The following GGA3 variants were observed in gnomAD, a reference collection of about 807,000 sequenced individuals.
GGA3 encodes ADP-ribosylation factor-binding protein GGA3.
Under a neutral mutation model 77.5 loss-of-function variants are expected in GGA3, and 57 were observed. That is an observed-to-expected ratio of 0.74 (90% CI 0.59 to 0.92). The LOEUF is 0.92. Ranked by LOEUF, GGA3 falls within the 40% of genes least tolerant of loss-of-function variation. The pLI is 0.00. For synonymous variants in GGA3, 416 were observed against 383.7 expected (o/e 1.08, Z -0.98); for missense variants, 970 against 914.9 (o/e 1.06, Z -0.78).
chr17:75,256,101 T>G (rs576042211), intron 1 of GGA3, among the ~76,000 whole-genome samples: 4 of 152,232 alleles, frequency 2.6e-5, no homozygotes, highest in African/African-American at 9.6e-5. Flanking sequence ...CTCCTTTCCT[T>G]CCTAGGCATG....
chr17:75,239,603 G>C (rs1027089904), intron 13 of GGA3, 32 bp from the exon 14 acceptor site: 2 of 1,529,494 alleles, frequency 1.3e-6, no homozygotes, highest in Non-Finnish European at 1.8e-6. Flanking sequence ...AAGCACGTCA[G>C]AGAGCCAGCC....
chr17:75,242,080 C>T (rs1458502235), intron 8 of GGA3: 10 of 575,262 alleles, frequency 1.7e-5, no homozygotes, highest in Non-Finnish European at 3.1e-5. Flanking sequence ...GGGGTGAGCA[C>T]CGAGAGTGTG....
intron 13 of GGA3, 54 bp from the exon 14 acceptor site, chr17:75,239,625 ACT>A (rs1200663400): frequency 3.4e-6 from 5 of 1,477,108 alleles, no homozygotes; most frequent in Admixed American, 2.0e-5. Context: ...GAGCTGCAGG[ACT>A]CTCACCCAAG....
intron 1 of GGA3, among the ~76,000 whole-genome samples, chr17:75,260,434 T>A (rs955231829): frequency 1.3e-5 from 2 of 152,204 alleles, no homozygotes; most frequent in African/African-American, 2.4e-5. Flanking sequence ...CTTCCATATA[T>A]AAAGAAGCCT....
chr17:75,256,685 T>C (rs1202974891), intron 1 of GGA3, among the ~76,000 whole-genome samples: 1 of 152,162 alleles, frequency 6.6e-6, no homozygotes, highest in Non-Finnish European at 1.5e-5. Context: ...AAATAACTTC[T>C]CAGTGTTCCA....
At position 75,249,647 on chromosome 17, in the gene GGA3, T is replaced by C. The variant is rs148924308; in HGVS notation, c.41-2851A>G. ...ACCAAAAGTCTACAGGGTACAAAAA[T>C]TGAATGGTCTGAGAAGCAATCCCCA... On this transcript the variant is annotated intron_variant, in intron 1 of 16. Transcript: ENST00000537686. 6.7e-3 allele frequency among the ~76,000 whole-genome samples: 1,025 copies of C among 152,264 alleles called. 4 individuals carry two copies. The highest frequency in any genetic ancestry group is 0.01 in the Non-Finnish European group (710 of 68,024).
chr17:75,258,394 G>C (rs990424224), intron 1 of GGA3, among the ~76,000 whole-genome samples: 4 of 152,198 alleles, frequency 2.6e-5, no homozygotes, highest in Non-Finnish European at 4.4e-5. Flanking sequence ...TGGGCTGGGC[G>C]TGGTAGCTCA....
In GGA3 at chr17:75,243,144, T is replaced by C; in HGVS notation, c.447A>G (p.Pro149=). ...KRQGIVQSDP[P]IPVDRTLIPS... ...GGATCAGCGTCCTATCCACAGGAAT[T>C]GGTGGGTCAGACTGCACTATGCCTG... The change falls in exon 6 of 17, where the codon CCA becomes CCG. Residue 149 remains proline, a synonymous_variant. Coordinates refer to ENST00000537686, the MANE Select transcript of GGA3 (RefSeq NM_138619.4). The C allele has an allele frequency of 1.2e-6, 2 of 1,611,780 alleles. No individual in the cohort carries two copies. Among genetic ancestry groups the C allele is most frequent in the Non-Finnish European group, 8.5e-7 (1 of 1,179,126 alleles).
rs774251668 is a variant in GGA3 at position 75,243,584 on chromosome 17, G to C, written c.301-14C>G. On this transcript the variant is annotated splice_polypyrimidine_tract_variant and intron_variant, in intron 4 of 16. Coordinates refer to ENST00000537686, the MANE Select transcript of GGA3 (RefSeq NM_138619.4). The stretch of plus-strand genomic sequence containing the variant: ...GTCCCCCAGGTACTACATGGCAAAA[G>C]AAAATGAGGACCTAGTAAGTGCAGT... 6.2e-7 allele frequency: 1 copy of C among 1,613,234 alleles called. No homozygotes were observed. The highest frequency in any genetic ancestry group is 1.3e-5 in the African/African-American group (1 of 74,918).
At chr17:75,257,660 C>T (rs1413950883) in intron 1 of GGA3, among the ~76,000 whole-genome samples, 1 of 152,092 alleles carries the variant, frequency 6.6e-6, no homozygotes, top group Non-Finnish European at 1.5e-5. Context: ...AATGTTTCTT[C>T]TAACATCCCC....
At chr17:75,244,026 C>A (rs1361546304) in intron 4 of GGA3, among the ~76,000 whole-genome samples, 1 of 152,136 alleles carries the variant, frequency 6.6e-6, no homozygotes, top group Non-Finnish European at 1.5e-5. Context: ...GACAGAGAGG[C>A]TTCCTTGTGA....
In GGA3 at chr17:75,237,007, A is replaced by T. The variant is rs763123801; in HGVS notation, c.*1272T>A. 10 of 192,490 alleles carry T rather than the reference A, an allele frequency of 5.2e-5. No homozygotes were observed. The highest frequency in any genetic ancestry group is 7.7e-5 in the Non-Finnish European group (7 of 91,270). 11.9% of individuals were successfully genotyped at this position (192,490 alleles called of 1,614,324 possible). On this transcript the variant is annotated 3_prime_UTR_variant, in exon 17 of 17. Transcript: ENST00000537686. ...TGGTCTGTGCCACCTTCCTTTCCCC[A>T]GAGATGTCCGATTGCTGAGCTTGTT...
rs2076375689 is a variant in GGA3, at chr17:75,237,900, A to G, written c.*379T>C. ...GCTCTTGTGGGGAATGACCCATGAC[A>G]GTCTCTCTTTAGAGACTCCCACCCC... On this transcript the variant is annotated 3_prime_UTR_variant, in exon 17 of 17. Coordinates refer to ENST00000537686, the MANE Select transcript of GGA3 (RefSeq NM_138619.4). 3.8e-6 allele frequency: 5 copies of G among 1,322,432 alleles called. No individual in the cohort carries two copies. Among genetic ancestry groups the G allele is most frequent in the Non-Finnish European group, 4.8e-6 (5 of 1,033,332 alleles). 81.9% of individuals were successfully genotyped at this position (1,322,432 alleles called of 1,614,324 possible).
At position 75,246,800 on chromosome 17, in the gene GGA3, G is replaced by A; in HGVS notation, c.41-4C>T. On this transcript the variant is annotated splice_polypyrimidine_tract_variant and splice_region_variant and intron_variant, in intron 1 of 16. Transcript: ENST00000537686. ...TTGGAAGGATTGGTGGCTTTATCTT[G>A]CAACACAACAAAGAAGAGGACAAGT... The A allele has an allele frequency of 6.2e-7, 1 of 1,608,648 alleles. No individual in the cohort carries two copies. The highest frequency in any genetic ancestry group is 2.2e-5 in the East Asian group (1 of 44,864).
Position 75,257,006 on chromosome 17 carries a change from C to T in GGA3, c.40+4542G>A, listed in dbSNP as rs367632669. Among the ~76,000 whole-genome samples the T allele has an allele frequency of 3.3e-5, 5 of 152,192 alleles. No homozygotes were observed. The East Asian group carries it at 9.6e-4, about 29-fold the overall frequency. ...ATTAGTCAAATCAGCCAAGCAGTTT[C>T]TCAGGCTCTTAGTATTCAGTGAAAC... On this transcript the variant is annotated intron_variant, in intron 1 of 16. Coordinates refer to ENST00000537686, the MANE Select transcript of GGA3 (RefSeq NM_138619.4).
chr17:75,249,670 C>G (rs1365361040), intron 1 of GGA3, among the ~76,000 whole-genome samples: 1 of 152,156 alleles, frequency 6.6e-6, no homozygotes, highest in African/African-American at 2.4e-5. Flanking sequence ...GAAGCAATCC[C>G]CATCCCCCAG....
Position 75,237,321 on chromosome 17 carries a change from G to C in GGA3, c.*958C>G. The C allele has an allele frequency of 1.5e-6, 1 of 674,862 alleles. No homozygotes were observed. Among genetic ancestry groups the C allele is most frequent in the South Asian group, 1.7e-5 (1 of 59,012 alleles). The allele number at this position is 674,862 out of a possible 1,614,324, so 41.8% of individuals were successfully genotyped here. A position where few individuals can be genotyped will look rare whatever the true frequency, so the allele number is the denominator to read the frequency against. The stretch of plus-strand genomic sequence containing the variant: ...AGGACATATGTCTAGTGTAACATTT[G>C]TGATCCTGAGGCCTCCTGTGTCCAG... On this transcript the variant is annotated 3_prime_UTR_variant, in exon 17 of 17. Transcript: ENST00000537686.
Position 75,238,094 on chromosome 17 carries a change from T to C in GGA3, c.*185A>G. The C allele has an allele frequency of 7.2e-7, 1 of 1,393,780 alleles. No homozygotes were observed. The allele number at this position is 1,393,780 out of a possible 1,614,324, so 86.3% of individuals were successfully genotyped here. ...CACAGGTAGATAAAAACAGGTCCTT[T>C]TAGGGGCCAAAGGAGAGGTTATCAC... On this transcript the variant is annotated 3_prime_UTR_variant, in exon 17 of 17. Transcript: ENST00000537686.
chr17:75,262,126 G>T, upstream of GGA3: 1 of 988,122 alleles, frequency 1.0e-6, no homozygotes, highest in Admixed American at 2.6e-5. Context: ...GCGTGACCCT[G>T]CGCCAATCCG....
Sources: allele counts gnomAD v4.1 joint callset (sites outside exome capture counted in the v4.1 genomes callset), GRCh38; gene constraint gnomAD v4.1.1; transcripts MANE v1.5; gene names NCBI Gene and HGNC (gene_info 2026-07-23, HGNC 2026-07-21).